Variants in ASIC2 observed in about 807,000 individuals in gnomAD.
ASIC2 encodes the protein acid sensing ion channel subunit 2, also known as acid-sensing ion channel 2.
In ASIC2, 25 loss-of-function variants were observed where a neutral mutation model predicts 57.3. That is an observed-to-expected ratio of 0.44 (90% CI 0.32 to 0.61). The LOEUF is 0.61. Among genes scored for constraint, ASIC2 ranks in the 20% least tolerant of loss-of-function variants. ASIC2 has a pLI of 0.06. For synonymous variants in ASIC2, 319 were observed against 307.5 expected (o/e 1.04, Z -0.39); for missense variants, 641 against 738.1 (o/e 0.87, Z 1.52).
At chr17:33,729,606 T>G (rs1029051978) in intron 1 of ASIC2, among the ~76,000 whole-genome samples, 4 of 152,156 alleles carry the variant, frequency 2.6e-5, no homozygotes, top group African/African-American at 4.8e-5. Flanking sequence ...GAGGGCTGAA[T>G]TTGGGGTCAC....
chr17:33,297,981 C>G (rs1389132242), upstream of ASIC2, among the ~76,000 whole-genome samples: 5 of 107,760 alleles, frequency 4.6e-5, no homozygotes, highest in Non-Finnish European at 9.5e-5. Context: ...GGTCTTATTT[C>G]TGTAGTTTTC....
intron 1 of ASIC2, among the ~76,000 whole-genome samples, chr17:33,865,988 T>A (rs1256094997): frequency 1.3e-5 from 2 of 152,174 alleles, no homozygotes; most frequent in African/African-American, 4.8e-5. Flanking sequence ...AACTTTGAAC[T>A]TCACATATAA....
At chr17:34,024,093 C>T (rs901454152) in intron 1 of ASIC2, among the ~76,000 whole-genome samples, 3 of 152,202 alleles carry the variant, frequency 2.0e-5, no homozygotes, top group Non-Finnish European at 4.4e-5. Context: ...AATCAGCCAG[C>T]TCCTGAAAGG....
At chr17:33,578,851 T>C (rs1024714505) in intron 1 of ASIC2, among the ~76,000 whole-genome samples, 1 of 152,126 alleles carries the variant, frequency 6.6e-6, no homozygotes, top group Non-Finnish European at 1.5e-5. Context: ...GAGCTAAACA[T>C]TGGGGTCTGT....
intron 1 of ASIC2, chr17:34,006,317 A>C (rs4349195): frequency 0.32 from 49,158 of 152,248 alleles, 10,764 homozygotes; most frequent in African/African-American, 0.6. Flanking sequence ...GGCATGCATG[A>C]ACGAGGCTCT....
In ASIC2 at chr17:33,946,344, T is replaced by C. The variant is rs12950286; in HGVS notation, c.555+209634A>G. On this transcript the variant is annotated intron_variant, in intron 1 of 9. Coordinates refer to the ASIC2 transcript ENST00000359872. Reference sequence around the variant, plus strand: ...TGGGGGGCCCGAGGCTGGAGGGAAATCACAGTGCCCTCTGCTGTAGCAAAA... The same window carrying C: ...TGGGGGGCCCGAGGCTGGAGGGAAACCACAGTGCCCTCTGCTGTAGCAAAA... 4.4e-3 allele frequency among the ~76,000 whole-genome samples: 664 copies of C among 152,196 alleles called. 8 individuals carry two copies. The highest frequency in any genetic ancestry group is 0.015 in the African/African-American group (628 of 41,522).
intron 1 of ASIC2, among the ~76,000 whole-genome samples, chr17:33,978,836 T>C (rs1420081437): frequency 6.6e-6 from 1 of 152,092 alleles, no homozygotes; most frequent in Non-Finnish European, 1.5e-5. Flanking sequence ...CTGGTGCCTA[T>C]GGAGGGAGAG....
At chr17:34,023,378 A>AACACACACAC (rs59456457) in intron 1 of ASIC2, among the ~76,000 whole-genome samples, 21 of 147,600 alleles carry the variant, frequency 1.4e-4, no homozygotes, top group South Asian at 4.4e-4. Context: ...CTCTGTCACA[A>AACACACACAC]ACACACACAC....
intron 1 of ASIC2, among the ~76,000 whole-genome samples, chr17:34,048,305 G>T (rs1172347099): frequency 6.6e-6 from 1 of 152,062 alleles, no homozygotes; most frequent in Non-Finnish European, 1.5e-5. Flanking sequence ...CTAAAATTTG[G>T]TTCGGAGAAA....
At chr17:33,295,717 TACCGGGGAA>T (rs1337555210), upstream of ASIC2, among the ~76,000 whole-genome samples, 1 of 152,222 alleles carries the variant, frequency 6.6e-6, no homozygotes, top group African/African-American at 2.4e-5. Context: ...GAAACACTGT[TACCGGGGAA>T]GAGGAAAAAG....
chr17:33,727,208 A>G (rs1045903492), intron 1 of ASIC2, among the ~76,000 whole-genome samples: 3 of 152,224 alleles, frequency 2.0e-5, no homozygotes, highest in African/African-American at 7.2e-5. Context: ...CTAAAAAAAG[A>G]AGAAATGGCT....
At chr17:33,507,212 G>T (rs1353469018) in intron 1 of ASIC2, among the ~76,000 whole-genome samples, 1 of 152,134 alleles carries the variant, frequency 6.6e-6, no homozygotes, top group Non-Finnish European at 1.5e-5. Context: ...ACAGGCAGGA[G>T]GGCTTCCAAG....
At chr17:33,124,848 C>G (rs993285089) in intron 1 of ASIC2, among the ~76,000 whole-genome samples, 1 of 152,136 alleles carries the variant, frequency 6.6e-6, no homozygotes, top group Non-Finnish European at 1.5e-5. Context: ...GTTTGTTTTC[C>G]TGCAACTAGA....
chr17:33,386,433 T>C (rs553406440), intron 1 of ASIC2, among the ~76,000 whole-genome samples: 1 of 152,358 alleles, frequency 6.6e-6, no homozygotes, highest in Admixed American at 6.5e-5. Context: ...GTATACTCAG[T>C]TGAAAACCTG....
At chr17:33,879,001 C>G (rs1914627784) in intron 1 of ASIC2, among the ~76,000 whole-genome samples, 1 of 152,104 alleles carries the variant, frequency 6.6e-6, no homozygotes, top group African/African-American at 2.4e-5. Context: ...CATATCCAGC[C>G]AAGCTAAGCT....
At chr17:33,812,238 G>A (rs1912443314) in intron 1 of ASIC2, among the ~76,000 whole-genome samples, 1 of 152,090 alleles carries the variant, frequency 6.6e-6, no homozygotes, top group African/African-American at 2.4e-5. Flanking sequence ...GGGCTGCTAT[G>A]TCAGCAATGC....
At chr17:33,803,219 C>T (rs1912179234) in intron 1 of ASIC2, among the ~76,000 whole-genome samples, 1 of 152,136 alleles carries the variant, frequency 6.6e-6, no homozygotes, top group African/African-American at 2.4e-5. Context: ...GTGAAAACAT[C>T]AGGGGTAAAG....
At chr17:33,907,525 C>A (rs957080464) in intron 1 of ASIC2, among the ~76,000 whole-genome samples, 1 of 152,160 alleles carries the variant, frequency 6.6e-6, no homozygotes, top group Admixed American at 6.5e-5. Context: ...CCATGTGACC[C>A]ATTACTCATT....
intron 1 of ASIC2, among the ~76,000 whole-genome samples, chr17:33,965,082 T>C (rs937626354): frequency 6.6e-6 from 1 of 152,124 alleles, no homozygotes; most frequent in Non-Finnish European, 1.5e-5. Context: ...CAACATTCTA[T>C]GGGGCCGTGA....
Sources: gnomAD v4.1 joint callset for allele counts (sites outside exome capture counted in the v4.1 genomes callset) on GRCh38, gnomAD v4.1.1 for gene constraint, MANE v1.5 for transcripts, NCBI Gene and HGNC (gene_info 2026-07-23, HGNC 2026-07-21) for gene names.